Variants in CCNY observed in about 807,000 individuals in gnomAD.
CCNY encodes cyclin-Y.
Under a neutral mutation model 42.8 loss-of-function variants are expected in CCNY, and 19 were observed. The observed-to-expected ratio is 0.44, with a 90% confidence interval of 0.31 to 0.65. CCNY has a LOEUF of 0.65. Ranked by LOEUF, CCNY falls within the 30% of genes least tolerant of loss-of-function variation. The pLI is 0.07. For synonymous variants in CCNY, 165 were observed against 162.7 expected (o/e 1.01, Z -0.11); for missense variants, 370 against 437.3 (o/e 0.85, Z 1.37).
At chr10:35,405,552 G>A (rs1048048863) in intron 1 of CCNY, among the ~76,000 whole-genome samples, 2 of 152,122 alleles carry the variant, frequency 1.3e-5, no homozygotes, top group Non-Finnish European at 2.9e-5. Flanking sequence ...TGTCCAAGTT[G>A]GCACCAGAAT....
chr10:35,252,469 G>A (rs904218069), intron 3 of CCNY, among the ~76,000 whole-genome samples: 2 of 151,598 alleles, frequency 1.3e-5, no homozygotes, highest in African/African-American at 2.4e-5. Flanking sequence ...GGGAGGCTGA[G>A]GCAGGAGAAT....
chr10:35,553,080 G>T lies in CCNY; in HGVS notation c.641G>T (p.Arg214Leu). 6.2e-7 allele frequency: 1 copy of T among 1,614,182 alleles called. No individual in the cohort carries two copies. Among genetic ancestry groups the T allele is most frequent in the Non-Finnish European group, 8.5e-7 (1 of 1,180,044 alleles). ...EIDICPANWK[R>L]IVLGAILLAS... The stretch of plus-strand genomic sequence containing the variant: ...GATATCTGTCCGGCCAACTGGAAGC[G>T]GATTGTTTTAGGGGCGATCCTGCTG... The change falls in exon 8 of 10, where the codon CGG (arginine) becomes CTG (leucine). Residue 214 changes from arginine to leucine, a missense_variant. Physicochemically the swap from Arg to Leu is moderately radical, Grantham distance 102 (BLOSUM62 -2). Around this residue, in one of 2 missense-constraint regions of CCNY, gnomAD observed 234 missense variants for 313.1 expected, o/e 0.75. Transcript: ENST00000374704.
intron 3 of CCNY, among the ~76,000 whole-genome samples, chr10:35,501,852 T>C (rs1241069311): frequency 6.6e-6 from 1 of 152,218 alleles, no homozygotes; most frequent in African/African-American, 2.4e-5. Context: ...TTCCTTTCTC[T>C]ACCCTCACCC....
intron 1 of CCNY, among the ~76,000 whole-genome samples, chr10:35,247,402 T>C (rs1005872784): frequency 6.6e-6 from 1 of 151,450 alleles, no homozygotes; most frequent in South Asian, 2.1e-4. Context: ...AAGAACAACA[T>C]AGTGAGACCC....
In CCNY at chr10:35,460,178, G is replaced by A. The variant is rs558169028; in HGVS notation, c.155-23226G>A. On this transcript the variant is annotated intron_variant, in intron 1 of 9. Transcript: ENST00000374704. Reference sequence around the variant, plus strand: ...CCTAGTGTCTCCCTGCCGCTTGGCAGCTGTGTGAACTTAGTAATGTTCTTT... The same window carrying A: ...CCTAGTGTCTCCCTGCCGCTTGGCAACTGTGTGAACTTAGTAATGTTCTTT... Among the ~76,000 whole-genome samples, 8 of 152,330 alleles carry A rather than the reference G, an allele frequency of 5.3e-5. No homozygotes were observed. In the South Asian group the frequency reaches 1.7e-3, roughly 32 times the overall value.
At chr10:35,451,409 C>G (rs544743978) in intron 1 of CCNY, among the ~76,000 whole-genome samples, 1 of 152,134 alleles carries the variant, frequency 6.6e-6, no homozygotes, top group Non-Finnish European at 1.5e-5. Flanking sequence ...TGCCTCTGAC[C>G]AGAATGGGTG....
intron 1 of CCNY, among the ~76,000 whole-genome samples, chr10:35,472,710 T>C (rs1157248566): frequency 6.6e-6 from 1 of 152,188 alleles, no homozygotes; most frequent in Non-Finnish European, 1.5e-5. Flanking sequence ...CCTATCACAG[T>C]ATAATCGTGA....
chr10:35,423,586 T>A lies in CCNY; in HGVS notation c.155-59818T>A, dbSNP rs569749142. Among the ~76,000 whole-genome samples the A allele has an allele frequency of 1.3e-4, 20 of 151,952 alleles. No individual in the cohort carries two copies. In the South Asian group the frequency reaches 4.0e-3, roughly 30 times the overall value. The stretch of plus-strand genomic sequence containing the variant: ...GCAGGTTATTTTGGTACACTGTACA[T>A]TTTATTAAGGGATTTTTCCTCCTGG... On this transcript the variant is annotated intron_variant, in intron 1 of 9. Transcript: ENST00000374704.
intron 1 of CCNY, among the ~76,000 whole-genome samples, chr10:35,452,769 G>GT (rs1373095433): frequency 5.4e-5 from 4 of 73,544 alleles, no homozygotes; most frequent in Admixed American, 1.5e-4. Context: ...TTATAGAAAA[G>GT]TAAAAAAAAA....
At chr10:35,482,749 G>GGGGTGTGTGTGTGT (rs751774596) in intron 1 of CCNY, among the ~76,000 whole-genome samples, 2 of 128,844 alleles carry the variant, frequency 1.6e-5, no homozygotes, top group East Asian at 4.7e-4. Flanking sequence ...GCTGGAAATA[G>GGGGTGTGTGTGTGT]GTGTGTGTGT....
At chr10:35,472,706 A>G (rs1839414669) in intron 1 of CCNY, among the ~76,000 whole-genome samples, 1 of 152,218 alleles carries the variant, frequency 6.6e-6, no homozygotes, top group Admixed American at 6.5e-5. Context: ...TTATCCTATC[A>G]CAGTATAATC....
At chr10:35,247,399 A>C (rs556561694) in intron 1 of CCNY, among the ~76,000 whole-genome samples, 1 of 151,818 alleles carries the variant, frequency 6.6e-6, no homozygotes, top group South Asian at 2.1e-4. Context: ...TTCAAGAACA[A>C]CATAGTGAGA....
intron 8 of CCNY, among the ~76,000 whole-genome samples, chr10:35,555,664 A>G (rs575608932): frequency 2.6e-5 from 4 of 152,318 alleles, no homozygotes; most frequent in South Asian, 2.1e-4. Flanking sequence ...GTCACAATCT[A>G]TGTTTCTTCT....
At chr10:35,406,614 C>G (rs1047596749) in intron 1 of CCNY, among the ~76,000 whole-genome samples, 23 of 152,164 alleles carry the variant, frequency 1.5e-4, no homozygotes, top group Admixed American at 7.8e-4. Flanking sequence ...AATGAAAAGT[C>G]TCCCATGTCT....
At chr10:35,514,618 G>A (rs1840391643) in intron 3 of CCNY, among the ~76,000 whole-genome samples, 1 of 152,130 alleles carries the variant, frequency 6.6e-6, no homozygotes, top group African/African-American at 2.4e-5. Context: ...CTGACTTTGT[G>A]GCTTATATTT....
intron 1 of CCNY, among the ~76,000 whole-genome samples, chr10:35,368,668 A>C (rs16935989): frequency 0.017 from 2,307 of 137,380 alleles, 44 homozygotes; most frequent in East Asian, 0.055. Context: ...TCCCTCCGGC[A>C]TTGACTGCTC....
chr10:35,418,501 G>A (rs1300483406), intron 1 of CCNY, among the ~76,000 whole-genome samples: 1 of 152,218 alleles, frequency 6.6e-6, no homozygotes, highest in Non-Finnish European at 1.5e-5. Flanking sequence ...CCTACGGACA[G>A]AATTAAATGT....
At chr10:35,490,351 A>ATCAG (rs150844653) in intron 2 of CCNY, among the ~76,000 whole-genome samples, 3,579 of 152,312 alleles carry the variant, frequency 0.023, 133 homozygotes, top group African/African-American at 0.081. Flanking sequence ...GTTTCTTAGA[A>ATCAG]TCAGTCTTAC....
chr10:35,512,758 T>C (rs1840348827), intron 3 of CCNY, among the ~76,000 whole-genome samples: 1 of 152,082 alleles, frequency 6.6e-6, no homozygotes, highest in Non-Finnish European at 1.5e-5. Flanking sequence ...TGGTGGCCTC[T>C]GGGTTCTGTG....
Sources: allele counts gnomAD v4.1 joint callset (sites outside exome capture counted in the v4.1 genomes callset), GRCh38; gene constraint gnomAD v4.1.1; regional missense constraint gnomAD v4.1.1; transcripts MANE v1.5; gene names NCBI Gene and HGNC (gene_info 2026-07-23, HGNC 2026-07-21).